TTC28: variants seen among roughly 807,000 people sequenced by gnomAD.
TTC28 encodes tetratricopeptide repeat protein 28.
Under a neutral mutation model 198.0 loss-of-function variants are expected in TTC28, and 61 were observed. The ratio of observed to expected loss-of-function variants is 0.31; its 90% CI spans 0.25 to 0.38. TTC28 has a LOEUF of 0.38. Ranked by LOEUF, TTC28 falls within the 10% of genes least tolerant of loss-of-function variation. The pLI is 1.00. For missense variants in TTC28, 2,678 were observed against 3,164.0 expected, an observed-to-expected ratio of 0.85 and a Z score of 3.69; for synonymous variants, 1,171 against 1,297.8, an observed-to-expected ratio of 0.90 and a Z score of 2.10.
At chr22:28,012,745 C>G (rs1938210877) in intron 14 of TTC28, among the ~76,000 whole-genome samples, 1 of 152,158 alleles carries the variant, frequency 6.6e-6, no homozygotes, top group Non-Finnish European at 1.5e-5. Context: ...CTCCTGGGCT[C>G]AAGTGATCTG....
chr22:28,278,898 G>A lies in TTC28; in HGVS notation c.933+17300C>T, dbSNP rs180897016. Among the ~76,000 whole-genome samples the A allele has an allele frequency of 5.3e-4, 81 of 152,218 alleles. 1 individual carries two copies. Among genetic ancestry groups the A allele is most frequent in the African/African-American group, 1.8e-3 (74 of 41,540 alleles). ...TATCGTTCTAGGATATGCGGGGTACGTACAGCCAGGAAAGAGATGGGAATT... is the reference window on the plus strand; with the variant it reads ...TATCGTTCTAGGATATGCGGGGTACATACAGCCAGGAAAGAGATGGGAATT... On this transcript the variant is annotated intron_variant, in intron 5 of 22. Coordinates refer to ENST00000397906, the MANE Select transcript of TTC28 (RefSeq NM_001145418.2).
chr22:28,015,452 T>G (rs1938333317), intron 13 of TTC28, among the ~76,000 whole-genome samples: 1 of 150,152 alleles, frequency 6.7e-6, no homozygotes, highest in South Asian at 2.1e-4. Flanking sequence ...AGACAAATTG[T>G]TGCTCTGTGA....
At chr22:28,642,345 A>G (rs1279712962) in intron 1 of TTC28, among the ~76,000 whole-genome samples, 2 of 152,016 alleles carry the variant, frequency 1.3e-5, no homozygotes, top group African/African-American at 2.4e-5. Context: ...GCCAGAATAC[A>G]GTAAGATTAT....
chr22:28,427,413 G>A (rs1601384617), intron 2 of TTC28, among the ~76,000 whole-genome samples: 1 of 152,158 alleles, frequency 6.6e-6, no homozygotes, highest in Middle Eastern at 3.2e-3. Context: ...CAGCACTTTG[G>A]GAGGCCGAGG....
intron 2 of TTC28, among the ~76,000 whole-genome samples, chr22:28,354,867 C>T (rs900409897): frequency 1.3e-5 from 2 of 151,626 alleles, no homozygotes; most frequent in African/African-American, 4.9e-5. Context: ...TACATGTGCA[C>T]ATTGTGCAGG....
intron 14 of TTC28, among the ~76,000 whole-genome samples, chr22:28,009,486 C>T (rs1243717452): frequency 6.6e-6 from 1 of 152,218 alleles, no homozygotes; most frequent in Non-Finnish European, 1.5e-5. Flanking sequence ...GCTCTGGAGC[C>T]GGCTAGCGGT....
chr22:27,996,699 G>C (rs1020764714), intron 16 of TTC28, among the ~76,000 whole-genome samples: 1 of 152,056 alleles, frequency 6.6e-6, no homozygotes, highest in Non-Finnish European at 1.5e-5. Context: ...ACCAAGTTCG[G>C]CTGGGAAAGA....
chr22:28,613,591 C>T (rs993717786), intron 2 of TTC28, among the ~76,000 whole-genome samples: 5 of 152,162 alleles, frequency 3.3e-5, no homozygotes, highest in African/African-American at 1.2e-4. Context: ...CATCACAAAG[C>T]TTATCCACCA....
At chr22:28,182,273 A>G (rs1441501702) in intron 5 of TTC28, among the ~76,000 whole-genome samples, 1 of 152,166 alleles carries the variant, frequency 6.6e-6, no homozygotes, top group African/African-American at 2.4e-5. Context: ...ATGCTATCCA[A>G]TCAAAACTGT....
At chr22:28,459,717 TTA>T (rs1420567018) in intron 2 of TTC28, among the ~76,000 whole-genome samples, 1 of 152,206 alleles carries the variant, frequency 6.6e-6, no homozygotes, top group Non-Finnish European at 1.5e-5. Context: ...CAAGTTTTTT[TTA>T]TTCCTTGTCT....
intron 5 of TTC28, among the ~76,000 whole-genome samples, chr22:28,236,750 G>A (rs775423262): frequency 1.7e-4 from 26 of 152,146 alleles, no homozygotes; most frequent in Non-Finnish European, 2.6e-4. Flanking sequence ...TCCAGCGTAC[G>A]TTCAGAGAAA....
intron 5 of TTC28, among the ~76,000 whole-genome samples, chr22:28,232,108 C>T (rs1253317948): frequency 1.3e-5 from 2 of 152,194 alleles, no homozygotes; most frequent in Non-Finnish European, 2.9e-5. Context: ...AAAACCACTT[C>T]TTCATCCCAC....
At chr22:28,553,471 G>A (rs1285972096) in intron 2 of TTC28, among the ~76,000 whole-genome samples, 18 of 150,886 alleles carry the variant, frequency 1.2e-4, no homozygotes, top group South Asian at 8.4e-4. Context: ...GCCTCTGCCC[G>A]GCCGCAACCC....
At chr22:28,644,844 T>A (rs187809770) in intron 1 of TTC28, among the ~76,000 whole-genome samples, 7 of 151,716 alleles carry the variant, frequency 4.6e-5, no homozygotes, top group African/African-American at 1.7e-4. Flanking sequence ...TAAATTAAAA[T>A]TTTTTAAATG....
intron 5 of TTC28, among the ~76,000 whole-genome samples, chr22:28,274,501 T>C (rs1460192777): frequency 1.3e-5 from 2 of 152,218 alleles, no homozygotes; most frequent in Non-Finnish European, 2.9e-5. Flanking sequence ...AGTACATTTA[T>C]AGATTATTGA....
At chr22:28,585,601 A>G (rs536024590) in intron 2 of TTC28, among the ~76,000 whole-genome samples, 3 of 152,248 alleles carry the variant, frequency 2.0e-5, no homozygotes, top group South Asian at 4.2e-4. Flanking sequence ...TCCGTGGCCC[A>G]GGGGTTGGGG....
At chr22:27,985,435 T>C in intron 21 of TTC28, 79 bp from the exon 22 acceptor site, 1 of 1,136,206 alleles carries the variant, frequency 8.8e-7, no homozygotes. Flanking sequence ...TAGGGCTCCT[T>C]GTGCAACTTC....
At chr22:28,177,488 A>G (rs1923276817) in intron 5 of TTC28, among the ~76,000 whole-genome samples, 1 of 152,238 alleles carries the variant, frequency 6.6e-6, no homozygotes, top group Non-Finnish European at 1.5e-5. Flanking sequence ...CATGTGTTCC[A>G]GCAACTGTGC....
At chr22:27,990,111 A>T in intron 20 of TTC28, 104 bp from the exon 21 acceptor site, 5 of 1,386,710 alleles carry the variant, frequency 3.6e-6, no homozygotes, top group Non-Finnish European at 4.9e-6. Context: ...GGCATCGCTA[A>T]TGACCCTCTC....
Sources: gnomAD v4.1 joint callset for allele counts (sites outside exome capture counted in the v4.1 genomes callset) on GRCh38, gnomAD v4.1.1 for gene constraint, MANE v1.5 for transcripts, NCBI Gene and HGNC (gene_info 2026-07-23, HGNC 2026-07-21) for gene names.